The following MIPOL1 variants were observed in gnomAD, a reference collection of about 807,000 sequenced individuals.
MIPOL1 encodes mirror-image polydactyly 1, also known as mirror-image polydactyly gene 1 protein.
Under a neutral mutation model 60.9 loss-of-function variants are expected in MIPOL1, and 57 were observed. The observed-to-expected ratio is 0.94, with a 90% CI of 0.76 to 1.17. The LOEUF (loss-of-function observed/expected upper bound fraction) is 1.17, where lower values mean the gene tolerates loss of function less well. Ranked by LOEUF, MIPOL1 falls within the 50% of genes most tolerant of loss-of-function variation. The probability of loss-of-function intolerance (pLI) is 0.00; values close to 1 mark genes in which losing one functional copy is unlikely to be tolerated. For missense variants in MIPOL1, 551 were observed against 511.6 expected (o/e 1.08, Z -0.74); for synonymous variants, 179 against 168.8 (o/e 1.06, Z -0.47).
At chr14:37,440,436 C>A (rs2094223926) in intron 11 of MIPOL1, among the ~76,000 whole-genome samples, 1 of 152,062 alleles carries the variant, frequency 6.6e-6, no homozygotes, top group Non-Finnish European at 1.5e-5. Context: ...TACCCCCTCA[C>A]CTTTCTCAGT....
intron 12 of MIPOL1, among the ~76,000 whole-genome samples, chr14:37,538,342 T>C (rs1030017257): frequency 1.3e-5 from 2 of 152,236 alleles, no homozygotes; most frequent in Admixed American, 6.5e-5. Context: ...ATACATATTA[T>C]ACTCTGTAAA....
At chr14:37,313,132 T>G (rs1054261781) in intron 9 of MIPOL1, among the ~76,000 whole-genome samples, 3 of 101,722 alleles carry the variant, frequency 2.9e-5, no homozygotes, top group African/African-American at 7.8e-5. Flanking sequence ...TCAGAACATT[T>G]GACAAATAAA....
chr14:37,373,019 G>A lies in MIPOL1; in HGVS notation c.936+3395G>A, dbSNP rs116601355. On this transcript the variant is annotated intron_variant, in intron 10 of 12. Transcript: ENST00000684589. ...TGTGATTTTGTTTGTTTGTTTCTTCGTTCTGAAACAGTCTCACTCAGTCGC... is the reference window on the plus strand; with the variant it reads ...TGTGATTTTGTTTGTTTGTTTCTTCATTCTGAAACAGTCTCACTCAGTCGC... Among the ~76,000 whole-genome samples the A allele has an allele frequency of 3.1e-3, 473 of 151,996 alleles. 3 individuals are homozygous for A. Among genetic ancestry groups the A allele is most frequent in the African/African-American group, 9.7e-3 (401 of 41,472 alleles).
At chr14:37,525,085 T>C (rs756437652) in intron 12 of MIPOL1, among the ~76,000 whole-genome samples, 1 of 152,222 alleles carries the variant, frequency 6.6e-6, no homozygotes, top group Non-Finnish European at 1.5e-5. Context: ...CTTGAGTTAT[T>C]TGAAGGTACT....
At chr14:37,350,793 G>T (rs1387478903) in intron 9 of MIPOL1, among the ~76,000 whole-genome samples, 1 of 151,920 alleles carries the variant, frequency 6.6e-6, no homozygotes, top group Non-Finnish European at 1.5e-5. Context: ...CAATTGTTTT[G>T]ATTTTTAGAT....
chr14:37,408,637 A>G (rs2093631951), intron 10 of MIPOL1, among the ~76,000 whole-genome samples: 2 of 152,192 alleles, frequency 1.3e-5, no homozygotes, highest in South Asian at 4.1e-4. Flanking sequence ...TCAAAACAAA[A>G]CAAAAAAAGT....
At chr14:37,435,781 A>G (rs1215590950) in intron 11 of MIPOL1, among the ~76,000 whole-genome samples, 1 of 147,616 alleles carries the variant, frequency 6.8e-6, no homozygotes, top group Non-Finnish European at 1.5e-5. Context: ...AAAATTTTTT[A>G]TGTACATGTA....
At chr14:37,466,632 C>A (rs1386287223) in intron 11 of MIPOL1, among the ~76,000 whole-genome samples, 2 of 152,086 alleles carry the variant, frequency 1.3e-5, no homozygotes, top group African/African-American at 4.8e-5. Flanking sequence ...GTAGAGCACT[C>A]TACATTCTTG....
chr14:37,348,778 C>G (rs971300342), intron 9 of MIPOL1, among the ~76,000 whole-genome samples: 1 of 151,404 alleles, frequency 6.6e-6, no homozygotes, highest in African/African-American at 2.4e-5. Context: ...AGACTTCTTG[C>G]ATCTTCCTTC....
At chr14:37,519,770 T>C (rs957513246) in intron 12 of MIPOL1, among the ~76,000 whole-genome samples, 1 of 152,152 alleles carries the variant, frequency 6.6e-6, no homozygotes, top group Non-Finnish European at 1.5e-5. Flanking sequence ...TCCTGACTTG[T>C]ATGATTTCTA....
At chr14:37,496,945 A>C (rs1203077436) in intron 11 of MIPOL1, among the ~76,000 whole-genome samples, 1 of 151,412 alleles carries the variant, frequency 6.6e-6, no homozygotes. Context: ...TACTGGTACC[A>C]AAACAGAGAT....
intron 12 of MIPOL1, chr14:37,501,435 A>G (rs1038048645): frequency 3.3e-5 from 5 of 152,176 alleles, no homozygotes; most frequent in African/African-American, 4.8e-5. Flanking sequence ...ACATGACCAA[A>G]ATTCCCTAAA....
At chr14:37,545,943 A>G in intron 12 of MIPOL1, 1 of 291,338 alleles carries the variant, frequency 3.4e-6, no homozygotes, top group South Asian at 1.7e-4. Flanking sequence ...GTATATGAAA[A>G]CTGCTAGGCA....
intron 7 of MIPOL1, among the ~76,000 whole-genome samples, chr14:37,293,269 T>C (rs942418434): frequency 1.3e-5 from 2 of 152,188 alleles, no homozygotes; most frequent in Non-Finnish European, 2.9e-5. Flanking sequence ...ATAGGTAATC[T>C]AGCCAAAATA....
intron 11 of MIPOL1, among the ~76,000 whole-genome samples, chr14:37,446,118 CCAT>C (rs2094330101): frequency 6.6e-6 from 1 of 152,140 alleles, no homozygotes; most frequent in Non-Finnish European, 1.5e-5. Flanking sequence ...AAAGACACTA[CCAT>C]CAGAGTGAAC....
intron 7 of MIPOL1, among the ~76,000 whole-genome samples, chr14:37,286,068 C>T (rs1024396197): frequency 1.6e-4 from 24 of 152,200 alleles, no homozygotes; most frequent in African/African-American, 5.3e-4. Context: ...TCCTCTTCTC[C>T]TCATTATCAC....
At chr14:37,239,168 C>G (rs1251505158) in intron 1 of MIPOL1, among the ~76,000 whole-genome samples, 1 of 151,198 alleles carries the variant, frequency 6.6e-6, no homozygotes, top group Non-Finnish European at 1.5e-5. Flanking sequence ...GCCTCAGCCT[C>G]CTGAGCAGCT....
intron 10 of MIPOL1, among the ~76,000 whole-genome samples, chr14:37,384,385 G>GAA (rs35090362): frequency 6.6e-6 from 1 of 151,594 alleles, no homozygotes; most frequent in African/African-American, 2.4e-5. Flanking sequence ...GAAATTTTGG[G>GAA]AAAAATATAG....
chr14:37,399,502 T>C (rs1301461584), intron 10 of MIPOL1, among the ~76,000 whole-genome samples: 1 of 152,188 alleles, frequency 6.6e-6, no homozygotes, highest in Non-Finnish European at 1.5e-5. Flanking sequence ...ATTGGAGTTA[T>C]CATCATTCTC....
Sources: allele counts gnomAD v4.1 joint callset (sites outside exome capture counted in the v4.1 genomes callset), GRCh38; gene constraint gnomAD v4.1.1; transcripts MANE v1.5; gene names NCBI Gene and HGNC (gene_info 2026-07-23, HGNC 2026-07-21).